RHEB: variants seen among roughly 807,000 people sequenced by gnomAD.
RHEB encodes Ras homolog, mTORC1 binding.
RHEB carries 2 observed loss-of-function variants against 28.8 expected under a neutral mutation model. The ratio of observed to expected loss-of-function variants is 0.07; its 90% confidence interval spans 0.03 to 0.22. The LOEUF (loss-of-function observed/expected upper bound fraction) is 0.22, where lower values mean the gene tolerates loss of function less well. Ranked by LOEUF, RHEB falls within the 10% of genes least tolerant of loss-of-function variation. RHEB has a pLI of 1.00. For missense variants in RHEB, 76 were observed against 219.9 expected, an observed-to-expected ratio of 0.35 and a Z score of 4.14; for synonymous variants, 69 against 77.3, an observed-to-expected ratio of 0.89 and a Z score of 0.56.
intron 1 of RHEB, chr7:151,503,232 A>C (rs1273995956): frequency 3.8e-6 from 3 of 783,584 alleles, no homozygotes; most frequent in Non-Finnish European, 7.1e-6. Flanking sequence ...TCACAGACAA[A>C]GAGACCGGAC....
At chr7:151,507,300 T>C (rs1325095841) in intron 1 of RHEB, among the ~76,000 whole-genome samples, 1 of 152,152 alleles carries the variant, frequency 6.6e-6, no homozygotes, top group Non-Finnish European at 1.5e-5. Context: ...TAGTAAGAAA[T>C]GTGTAGCTCC....
At chr7:151,480,466 T>C (rs2150924465) in intron 3 of RHEB, among the ~76,000 whole-genome samples, 1 of 151,334 alleles carries the variant, frequency 6.6e-6, no homozygotes, top group Non-Finnish European at 1.5e-5. Context: ...TAGAGGCATA[T>C]ACTAGAAACT....
intron 7 of RHEB, among the ~76,000 whole-genome samples, chr7:151,467,700 T>C (rs1802090946): frequency 6.6e-6 from 1 of 151,896 alleles, no homozygotes; most frequent in African/African-American, 2.4e-5. Flanking sequence ...CTCCAACACC[T>C]CTGTGGCGTA....
intron 4 of RHEB, among the ~76,000 whole-genome samples, chr7:151,475,201 C>T (rs1001176855): frequency 9.9e-5 from 15 of 152,150 alleles, no homozygotes; most frequent in African/African-American, 3.4e-4. Context: ...TTTCAATTTC[C>T]CCAGTGGCAC....
At chr7:151,511,195 G>A (rs1255774723) in intron 1 of RHEB, among the ~76,000 whole-genome samples, 1 of 152,136 alleles carries the variant, frequency 6.6e-6, no homozygotes. Flanking sequence ...AACTGTAAAA[G>A]CCCATATTTG....
chr7:151,477,204 A>C, intron 4 of RHEB, 129 bp downstream of exon 4: 1 of 681,980 alleles, frequency 1.5e-6, no homozygotes, highest in African/African-American at 1.9e-5. Flanking sequence ...GCTCCACGAG[A>C]AAATCACTAA....
At position 151,510,239 on chromosome 7, in the gene RHEB, C is replaced by A. The variant is rs561405487; in HGVS notation, c.52+9221G>T. 3.9e-5 allele frequency among the ~76,000 whole-genome samples: 6 copies of A among 152,294 alleles called. No individual in the cohort carries two copies. The South Asian group carries it at 8.3e-4, about 21-fold the overall frequency. On this transcript the variant is annotated intron_variant, in intron 1 of 7. Coordinates refer to ENST00000262187, the MANE Select transcript of RHEB (RefSeq NM_005614.4). ...CCACTTGATGATCAAGTTAGCCCTG[C>A]CTTTGATTATTTCTCTCAAACACCT...
At chr7:151,500,543 A>G (rs1299217159) in intron 1 of RHEB, among the ~76,000 whole-genome samples, 1 of 152,238 alleles carries the variant, frequency 6.6e-6, no homozygotes, top group African/African-American at 2.4e-5. Flanking sequence ...CTGGATGTCA[A>G]TATCAGAAAA....
intron 1 of RHEB, among the ~76,000 whole-genome samples, chr7:151,511,906 C>T (rs1212294925): frequency 6.6e-6 from 1 of 152,174 alleles, no homozygotes; most frequent in Admixed American, 6.5e-5. Context: ...TCGCCTTGGC[C>T]TCCCAAAGTG....
intron 3 of RHEB, among the ~76,000 whole-genome samples, chr7:151,482,174 A>C (rs1037791565): frequency 6.6e-6 from 1 of 152,226 alleles, no homozygotes; most frequent in Non-Finnish European, 1.5e-5. Context: ...CTTTAACCCC[A>C]ATGTGACAAT....
At chr7:151,486,874 G>A (rs1170689093) in intron 2 of RHEB, among the ~76,000 whole-genome samples, 1 of 152,198 alleles carries the variant, frequency 6.6e-6, no homozygotes, top group Non-Finnish European at 1.5e-5. Context: ...GAGTCAGGAT[G>A]ACTCCAAAGC....
chr7:151,512,054 T>C (rs1347441666), intron 1 of RHEB, among the ~76,000 whole-genome samples: 6 of 152,252 alleles, frequency 3.9e-5, no homozygotes, highest in Non-Finnish European at 5.9e-5. Context: ...CCGTGAGTAC[T>C]GTATCAATGT....
chr7:151,474,469 C>T (rs1325446279), intron 4 of RHEB, among the ~76,000 whole-genome samples: 10 of 152,176 alleles, frequency 6.6e-5, no homozygotes, highest in Admixed American at 1.3e-4. Context: ...GTGTGGGCCA[C>T]TGCGCCTGGC....
chr7:151,473,475 C>A (rs1383604357), intron 4 of RHEB, among the ~76,000 whole-genome samples: 1 of 152,170 alleles, frequency 6.6e-6, no homozygotes, highest in African/African-American at 2.4e-5. Context: ...AGATTCCTGA[C>A]CCACAAAAAC....
rs184789135 is a variant in RHEB, at chr7:151,470,843, A to G, written c.381-191T>C. 1.3e-4 allele frequency among the ~76,000 whole-genome samples: 20 copies of G among 152,364 alleles called. No homozygotes were observed. In the East Asian group the frequency reaches 3.7e-3, roughly 28 times the overall value. On this transcript the variant is annotated intron_variant, in intron 6 of 7. Coordinates refer to ENST00000262187, the MANE Select transcript of RHEB (RefSeq NM_005614.4). Reference sequence around the variant, plus strand: ...AATTACGCCTGAGCTGGGGAACAGAATAGACATTGCTTTATGGGATTATCC... The same window carrying G: ...AATTACGCCTGAGCTGGGGAACAGAGTAGACATTGCTTTATGGGATTATCC...
At chr7:151,500,999 C>A (rs894894483) in intron 1 of RHEB, among the ~76,000 whole-genome samples, 72 of 151,482 alleles carry the variant, frequency 4.8e-4, no homozygotes, top group Non-Finnish European at 1.5e-4. Context: ...TCAAAAAAAT[C>A]ATAGACCTAA....
intron 1 of RHEB, chr7:151,503,237 C>T: frequency 1.3e-6 from 1 of 783,434 alleles, no homozygotes; most frequent in Admixed American, 1.7e-5. Flanking sequence ...GACAAAGAGA[C>T]CGGACAGGAA....
intron 2 of RHEB, among the ~76,000 whole-genome samples, chr7:151,487,341 G>T (rs1802495500): frequency 6.6e-6 from 1 of 152,088 alleles, no homozygotes; most frequent in Non-Finnish European, 1.5e-5. Flanking sequence ...CCCAGAGCTG[G>T]GGGGAGAGGT....
Position 151,472,485 on chromosome 7 carries a change from C to T in RHEB, c.276-880G>A, listed in dbSNP as rs935544364. Among the ~76,000 whole-genome samples, 16 of 152,200 alleles carry T rather than the reference C, an allele frequency of 1.1e-4. No individual in the cohort carries two copies. The highest frequency in any genetic ancestry group is 3.6e-4 in the African/African-American group (15 of 41,458). On this transcript the variant is annotated intron_variant, in intron 4 of 7. Transcript: ENST00000262187. This position sits in a 1 kb window ranked among gnomAD's most constrained non-coding sequence, Gnocchi z 5.2. ...GCCGCAAACTTCTGACCTCGTGATCCGCCTGCCTCGGCCTCCCAAAGTGCT... is the reference window on the plus strand; with the variant it reads ...GCCGCAAACTTCTGACCTCGTGATCTGCCTGCCTCGGCCTCCCAAAGTGCT...
Sources: gnomAD v4.1 joint callset for allele counts (sites outside exome capture counted in the v4.1 genomes callset) on GRCh38, gnomAD v4.1.1 for gene constraint, Gnocchi (gnomAD v3.1) non-coding constraint, MANE v1.5 for transcripts, NCBI Gene and HGNC (gene_info 2026-07-23, HGNC 2026-07-21) for gene names.